The following ZNF892 variants were observed in gnomAD, a reference collection of about 807,000 sequenced individuals.
The protein encoded by ZNF892 is zinc finger protein 892.
chr2:95,208,440 A>G, the ZNF892 span, among the ~76,000 whole-genome samples: 44 of 152,236 alleles, frequency 2.9e-4, no homozygotes, highest in Non-Finnish European at 5.3e-4. Context: ...CCAGATGCTC[A>G]TAGGAGTTCT....
At chr2:95,254,183 T>C in the ZNF892 span, among the ~76,000 whole-genome samples, 1 of 152,150 alleles carries the variant, frequency 6.6e-6, no homozygotes, top group Non-Finnish European at 1.5e-5. Flanking sequence ...ATGCTTCCAG[T>C]TTTTGCCCAT....
At chr2:95,238,266 A>G in the ZNF892 span, among the ~76,000 whole-genome samples, 1 of 152,226 alleles carries the variant, frequency 6.6e-6, no homozygotes, top group Non-Finnish European at 1.5e-5. Context: ...GCCAGTGCTC[A>G]TTTGTCATTC....
At chr2:95,210,155 ATG>A in the ZNF892 span, among the ~76,000 whole-genome samples, 2 of 149,148 alleles carry the variant, frequency 1.3e-5, no homozygotes, top group Non-Finnish European at 3.0e-5. Context: ...ATATGTATAT[ATG>A]TGTATATATG....
the ZNF892 span, among the ~76,000 whole-genome samples, chr2:95,233,526 A>T: frequency 6.6e-6 from 1 of 151,036 alleles, no homozygotes; most frequent in Non-Finnish European, 1.5e-5. Context: ...ACAAAAAATT[A>T]GCCGGGCGTG....
chr2:95,258,264 A>G, the ZNF892 span, among the ~76,000 whole-genome samples: 1 of 152,210 alleles, frequency 6.6e-6, no homozygotes, highest in Non-Finnish European at 1.5e-5. Flanking sequence ...TGTCACTGTG[A>G]GAGCACACCA....
the ZNF892 span, among the ~76,000 whole-genome samples, chr2:95,219,752 G>T: frequency 7.9e-5 from 12 of 152,288 alleles, no homozygotes; most frequent in African/African-American, 1.9e-4. Context: ...GTTGCAGGGG[G>T]TGCTGCCTCA....
At chr2:95,261,417 C>G in the ZNF892 span, among the ~76,000 whole-genome samples, 1 of 152,020 alleles carries the variant, frequency 6.6e-6, no homozygotes, top group Non-Finnish European at 1.5e-5. Context: ...GCCTCAGCCT[C>G]TTGAGTAGCT....
the ZNF892 span, among the ~76,000 whole-genome samples, chr2:95,234,695 G>A: frequency 6.6e-6 from 1 of 152,198 alleles, no homozygotes; most frequent in African/African-American, 2.4e-5. Flanking sequence ...CCCAGAGGGT[G>A]GAGCACTCCA....
the ZNF892 span, among the ~76,000 whole-genome samples, chr2:95,218,506 C>T: frequency 1.3e-5 from 2 of 152,260 alleles, no homozygotes; most frequent in East Asian, 3.9e-4. Context: ...TGAGACCTTG[C>T]CAGAGTGGCC....
the ZNF892 span, among the ~76,000 whole-genome samples, chr2:95,252,734 C>A: frequency 6.6e-6 from 1 of 152,194 alleles, no homozygotes; most frequent in Admixed American, 6.5e-5. Flanking sequence ...TCTCCACATC[C>A]TCTCCAGCAC....
the ZNF892 span, among the ~76,000 whole-genome samples, chr2:95,210,936 TATTCAGGA>T: frequency 6.6e-6 from 1 of 152,092 alleles, no homozygotes; most frequent in Non-Finnish European, 1.5e-5. Context: ...GAGGGCAGAA[TATTCAGGA>T]ATAGGAAGCA....
At chr2:95,241,195 A>G in the ZNF892 span, among the ~76,000 whole-genome samples, 3 of 152,084 alleles carry the variant, frequency 2.0e-5, no homozygotes, top group Admixed American at 6.5e-5. Context: ...CCCTAATCCC[A>G]TTTCTCCTGA....
the ZNF892 span, among the ~76,000 whole-genome samples, chr2:95,255,311 T>C: frequency 1.3e-5 from 2 of 152,260 alleles, no homozygotes; most frequent in Non-Finnish European, 1.5e-5. Flanking sequence ...AGAACATCTT[T>C]ATTTCTGCCT....
the ZNF892 span, among the ~76,000 whole-genome samples, chr2:95,237,208 C>T: frequency 2.0e-5 from 3 of 149,332 alleles, no homozygotes; most frequent in South Asian, 4.3e-4. Flanking sequence ...AGTGCAGTGG[C>T]GCGATCACGG....
At chr2:95,213,002 A>G in the ZNF892 span, among the ~76,000 whole-genome samples, 1 of 152,248 alleles carries the variant, frequency 6.6e-6, no homozygotes, top group Non-Finnish European at 1.5e-5. Flanking sequence ...GGATTACTGC[A>G]AAAGACTGTT....
the ZNF892 span, among the ~76,000 whole-genome samples, chr2:95,208,994 A>G: frequency 6.6e-6 from 1 of 152,258 alleles, no homozygotes; most frequent in Admixed American, 6.5e-5. Context: ...GCAAAGAAGT[A>G]AAAGCCACTT....
At chr2:95,249,167 T>C in the ZNF892 span, among the ~76,000 whole-genome samples, 1 of 148,212 alleles carries the variant, frequency 6.7e-6, no homozygotes, top group East Asian at 2.0e-4. Flanking sequence ...TGGTTTCTAA[T>C]AGTTTCATTT....
the ZNF892 span, among the ~76,000 whole-genome samples, chr2:95,247,671 A>T: frequency 3.9e-4 from 59 of 152,298 alleles, no homozygotes; most frequent in African/African-American, 1.4e-3. Context: ...CAACCCCATT[A>T]AAAAGTGGGC....
the ZNF892 span, among the ~76,000 whole-genome samples, chr2:95,224,517 A>C: frequency 6.6e-6 from 1 of 152,260 alleles, no homozygotes; most frequent in East Asian, 1.9e-4. Flanking sequence ...CTCATCTTAC[A>C]TGGCCAGAGC....
Sources: allele counts gnomAD v4.1 joint callset (sites outside exome capture counted in the v4.1 genomes callset), GRCh38; gene constraint gnomAD v4.1.1; transcripts MANE v1.5; gene names NCBI Gene and HGNC (gene_info 2026-07-23, HGNC 2026-07-21).